Variants in HOPX observed in about 807,000 individuals in gnomAD.
HOPX encodes the protein homeodomain-only protein.
A neutral mutation model predicts 11.8 loss-of-function variants in HOPX; 5 were observed. The observed-to-expected ratio is 0.43, with a 90% CI of 0.22 to 0.89. The LOEUF (loss-of-function observed/expected upper bound fraction) is 0.89, where lower values mean the gene tolerates loss of function less well. HOPX is among the 40% of genes least tolerant of loss of function. The pLI is 0.28. For missense variants in HOPX, 119 were observed against 120.0 expected, an observed-to-expected ratio of 0.99 and a Z score of 0.04; for synonymous variants, 49 against 49.7, an observed-to-expected ratio of 0.99 and a Z score of 0.06.
Position 56,648,442 on chromosome 4 carries a change from T to C in HOPX, c.*278A>G. 1 of 326,676 alleles carries C rather than the reference T, an allele frequency of 3.1e-6. No homozygotes were observed. The highest frequency in any genetic ancestry group is 5.5e-6 in the Non-Finnish European group (1 of 180,674). The allele number at this position is 326,676 out of a possible 1,614,324, so 20.2% of individuals were successfully genotyped here. On this transcript the variant is annotated 3_prime_UTR_variant, in exon 4 of 4. Transcript: ENST00000420433. ...GGTCAAAAGCAAACTTAGATGGTTTTCACACCATCTGTCATCATGACTCAA... is the reference window on the plus strand; with the variant it reads ...GGTCAAAAGCAAACTTAGATGGTTTCCACACCATCTGTCATCATGACTCAA...
At chr4:56,669,168 C>A (rs1344029311) in intron 1 of HOPX, among the ~76,000 whole-genome samples, 1 of 152,166 alleles carries the variant, frequency 6.6e-6, no homozygotes, top group African/African-American at 2.4e-5. Flanking sequence ...TCTTCCTCAT[C>A]AACAGTTTGC....
intron 1 of HOPX, 74 bp downstream of exon 1, chr4:56,681,181 C>T (rs547717476): frequency 2.1e-6 from 2 of 966,746 alleles, no homozygotes; most frequent in East Asian, 1.1e-4. Context: ...AATACGGTAA[C>T]GATAGCATTT....
In HOPX at chr4:56,655,960, A is replaced by G. The variant is rs1442134514; in HGVS notation, c.95T>C (p.Val32Ala). ...ETASGPTEDQ[V>A]EILEYNFNKV... ...GTTGAAGTTGTACTCCAGGATTTCC[A>G]CCTGGTCCTCTGTGGGGCCGCTCGC... Residue 32 changes from valine to alanine, a missense_variant, in exon 3 of 4, where the codon GTG becomes GCG. Coordinates refer to ENST00000420433, the MANE Select transcript of HOPX (RefSeq NM_032495.6). 5 of 1,610,716 alleles carry G rather than the reference A, an allele frequency of 3.1e-6. No individual in the cohort carries two copies. Among genetic ancestry groups the G allele is most frequent in the Non-Finnish European group, 3.4e-6 (4 of 1,178,690 alleles).
chr4:56,667,544 C>A (rs1431907849), intron 1 of HOPX, among the ~76,000 whole-genome samples: 1 of 152,166 alleles, frequency 6.6e-6, no homozygotes, highest in Non-Finnish European at 1.5e-5. Context: ...CCAAAGCAGG[C>A]AGAGGCCCAA....
Position 56,648,658 on chromosome 4 carries a change from A to G in HOPX, c.*62T>C. The G allele has an allele frequency of 8.0e-7, 1 of 1,248,884 alleles. No individual in the cohort carries two copies. Among genetic ancestry groups the G allele is most frequent in the Non-Finnish European group, 1.2e-6 (1 of 863,430 alleles). 77.4% of individuals were successfully genotyped at this position (1,248,884 alleles called of 1,614,324 possible). A position where few individuals can be genotyped will look rare whatever the true frequency, so the allele number is the denominator to read the frequency against. On this transcript the variant is annotated 3_prime_UTR_variant, in exon 4 of 4. Coordinates refer to ENST00000420433, the MANE Select transcript of HOPX (RefSeq NM_032495.6). Reference sequence around the variant, plus strand: ...GCTGAAAAACCACAACAGCTTGGTTAAGCGGAGGAGAGAAACAGAGATGGC... The same window carrying G: ...GCTGAAAAACCACAACAGCTTGGTTGAGCGGAGGAGAGAAACAGAGATGGC...
chr4:56,648,874 C>A, intron 3 of HOPX, 77 bp from the exon 4 acceptor site: 1 of 1,118,390 alleles, frequency 8.9e-7, no homozygotes, highest in Non-Finnish European at 1.3e-6. Context: ...TAAAAGGTAG[C>A]CTCTGTGGCA....
intron 3 of HOPX, chr4:56,650,873 G>A (rs1386944645): frequency 6.8e-7 from 1 of 1,463,490 alleles, no homozygotes; most frequent in African/African-American, 1.4e-5. Flanking sequence ...CTACTGCTAA[G>A]GGTGGGCCCA....
chr4:56,669,355 T>C (rs1718608254), intron 1 of HOPX, among the ~76,000 whole-genome samples: 2 of 152,200 alleles, frequency 1.3e-5, no homozygotes, highest in Non-Finnish European at 2.9e-5. Context: ...TGTGATCATA[T>C]AATTTGTCAC....
intron 3 of HOPX, chr4:56,650,165 A>G (rs576306037): frequency 4.6e-4 from 72 of 155,520 alleles, no homozygotes; most frequent in South Asian, 1.0e-3. Context: ...GAACTTGAGG[A>G]AGTCCCTAAA....
At chr4:56,656,191 CA>C in intron 2 of HOPX, 179 bp from the exon 3 acceptor site, 1 of 1,117,328 alleles carries the variant, frequency 8.9e-7, no homozygotes, top group South Asian at 2.9e-5. Context: ...GGCTGCCCCC[CA>C]CCCGGGCCTC....
chr4:56,658,841 T>G (rs1181191383), intron 1 of HOPX, among the ~76,000 whole-genome samples: 1 of 152,232 alleles, frequency 6.6e-6, no homozygotes, highest in African/African-American at 2.4e-5. Context: ...TAATTTGTCC[T>G]GTGGTTATAT....
chr4:56,652,642 C>T (rs1048125329), intron 3 of HOPX, among the ~76,000 whole-genome samples: 1 of 152,052 alleles, frequency 6.6e-6, no homozygotes, highest in African/African-American at 2.4e-5. Context: ...ACCCCCATCT[C>T]TACAAACAAT....
chr4:56,667,032 G>A (rs1348041323), intron 1 of HOPX, among the ~76,000 whole-genome samples: 1 of 152,178 alleles, frequency 6.6e-6, no homozygotes, highest in Non-Finnish European at 1.5e-5. Context: ...ATGAGGTTTT[G>A]GTGCAGATAT....
intron 3 of HOPX, among the ~76,000 whole-genome samples, chr4:56,652,197 T>C (rs980938274): frequency 6.6e-6 from 1 of 152,156 alleles, no homozygotes. Flanking sequence ...GAGAATTTTG[T>C]CCTGAAGTGG....
Position 56,657,895 on chromosome 4 carries a change from T to A in HOPX, c.-79A>T. On this transcript the variant is annotated 5_prime_UTR_variant, in exon 2 of 4. An upstream start codon of the reference 5' UTR is lost. Coordinates refer to ENST00000420433, the MANE Select transcript of HOPX (RefSeq NM_032495.6). ...CCCTTCTCAGTGGGGCAGTCTGTCATTAGTCTGGTAGGAAAAATCAGGAGG... is the reference window on the plus strand; with the variant it reads ...CCCTTCTCAGTGGGGCAGTCTGTCAATAGTCTGGTAGGAAAAATCAGGAGG... The A allele has an allele frequency of 1.9e-6, 3 of 1,550,876 alleles. No homozygotes were observed. The East Asian group carries it at 7.3e-5, about 38-fold the overall frequency.
intron 3 of HOPX, chr4:56,649,116 C>T (rs887358228): frequency 5.4e-5 from 12 of 221,106 alleles, no homozygotes; most frequent in Non-Finnish European, 9.8e-5. Flanking sequence ...CACTCATCTC[C>T]TTACTTCCCA....
chr4:56,656,010 G>A lies in HOPX; in HGVS notation c.45C>T (p.Arg15=), dbSNP rs1314829113. 6.9e-6 allele frequency: 11 copies of A among 1,591,320 alleles called. No homozygotes were observed. The highest frequency in any genetic ancestry group is 2.3e-5 in the East Asian group (1 of 42,910). The change falls in exon 3 of 4, where the codon CGC becomes CGT. Residue 15 remains arginine (R), a splice_region_variant and synonymous_variant. Coordinates refer to ENST00000420433, the MANE Select transcript of HOPX (RefSeq NM_032495.6). ...CGGTCTCCGCCGACATGGTCCCTGC[G>A]CGCTGCGGGGCAGGGAGAAGCGGCG... The part of the protein sequence containing the change: ...LGCYRRRLEE[R]AGTMSAETAS...
chr4:56,648,508 G>A lies in HOPX; in HGVS notation c.*212C>T. On this transcript the variant is annotated 3_prime_UTR_variant, in exon 4 of 4. Coordinates refer to ENST00000420433, the MANE Select transcript of HOPX (RefSeq NM_032495.6). ...ACACCATTTTTCCAGTGAAGCCACT[G>A]CTTTACACAGAAGATACACATAGCT... is the stretch of plus-strand genomic sequence containing the variant. 1 of 409,572 alleles carries A rather than the reference G, an allele frequency of 2.4e-6. No individual in the cohort carries two copies. The highest frequency in any genetic ancestry group is 4.4e-6 in the Non-Finnish European group (1 of 229,748). 25.4% of individuals were successfully genotyped at this position (409,572 alleles called of 1,614,324 possible). A position where few individuals can be genotyped will look rare whatever the true frequency, so the allele number is the denominator to read the frequency against.
At chr4:56,668,466 G>C (rs1487874639) in intron 1 of HOPX, among the ~76,000 whole-genome samples, 1 of 152,246 alleles carries the variant, frequency 6.6e-6, no homozygotes, top group Non-Finnish European at 1.5e-5. Flanking sequence ...ACCAAGTGGT[G>C]CTGTCAGGCA....
Sources: allele counts gnomAD v4.1 joint callset (sites outside exome capture counted in the v4.1 genomes callset), GRCh38; gene constraint gnomAD v4.1.1; transcripts MANE v1.5; gene names NCBI Gene and HGNC (gene_info 2026-07-23, HGNC 2026-07-21).